Variants in FMNL2 observed in about 807,000 individuals in gnomAD.
The protein encoded by FMNL2 is formin-like protein 2.
A neutral mutation model predicts 130.2 loss-of-function variants in FMNL2; 51 were observed. That is an observed-to-expected ratio of 0.39 (90% CI 0.31 to 0.49). The LOEUF is 0.49. Ranked by LOEUF, FMNL2 falls within the 20% of genes least tolerant of loss-of-function variation. FMNL2 has a pLI of 0.85. For missense variants in FMNL2, 977 were observed against 1,316.2 expected (o/e 0.74, Z 3.99); for synonymous variants, 465 against 467.1 (o/e 1.00, Z 0.06).
chr2:152,593,980 C>T (rs2105789194), intron 9 of FMNL2, among the ~76,000 whole-genome samples: 1 of 151,574 alleles, frequency 6.6e-6, no homozygotes, highest in Admixed American at 6.6e-5. Flanking sequence ...GGAAAACTCC[C>T]CCACAGGGAC....
Position 152,647,851 on chromosome 2 carries a change from G to C in FMNL2, c.3225G>C (p.Arg1075=), listed in dbSNP as rs373111962. 7.7e-5 allele frequency: 124 copies of C among 1,613,914 alleles called. No individual in the cohort carries two copies. The African/African-American group carries it at 1.5e-3, about 19-fold the overall frequency. The change falls in exon 26 of 26, where the codon CGG becomes CGC. Residue 1075 remains arginine (R), a synonymous_variant. Transcript: ENST00000288670. ...RADAVRRSVR[R]RFDDQNLRSV... ...ATGCGGTGAGGAGAAGCGTCAGGCG[G>C]CGCTTTGATGATCAGAACTTGCGTT...
chr2:152,389,380 G>A (rs1361347763), intron 1 of FMNL2, among the ~76,000 whole-genome samples: 2 of 152,028 alleles, frequency 1.3e-5, no homozygotes, highest in African/African-American at 2.4e-5. Flanking sequence ...GGCACTAATC[G>A]CATTTACGAG....
intron 1 of FMNL2, among the ~76,000 whole-genome samples, chr2:152,502,482 T>C (rs964709711): frequency 2.6e-5 from 4 of 151,878 alleles, no homozygotes; most frequent in Non-Finnish European, 5.9e-5. Context: ...AGGTCAGGAG[T>C]CTGAGACCAG....
chr2:152,513,298 A>G (rs993955523), intron 1 of FMNL2, among the ~76,000 whole-genome samples: 2 of 152,086 alleles, frequency 1.3e-5, no homozygotes, highest in Non-Finnish European at 1.5e-5. Flanking sequence ...CTCCTTTTTT[A>G]GTGTGTGTGG....
At chr2:152,596,536 G>A (rs1029917460) in intron 9 of FMNL2, among the ~76,000 whole-genome samples, 3 of 152,156 alleles carry the variant, frequency 2.0e-5, no homozygotes, top group African/African-American at 7.2e-5. Flanking sequence ...GGCCCCTGGA[G>A]CCCTTTTTAT....
In FMNL2 at chr2:152,648,857, A is replaced by C. The variant is rs927204969; in HGVS notation, c.*952A>C. On this transcript the variant is annotated 3_prime_UTR_variant, in exon 26 of 26. Transcript: ENST00000288670. The stretch of plus-strand genomic sequence containing the variant: ...CACTTGGCATCGTGTATCGAGGCTA[A>C]GTTTTTCATGCATTTCCCAGACTAC... The C allele has an allele frequency of 9.8e-5, 15 of 152,584 alleles. No individual in the cohort carries two copies. Among genetic ancestry groups the C allele is most frequent in the African/African-American group, 3.6e-4 (15 of 41,428 alleles). 9.5% of individuals were successfully genotyped at this position (152,584 alleles called of 1,614,324 possible).
chr2:152,574,490 T>C (rs748803509), intron 6 of FMNL2, among the ~76,000 whole-genome samples: 5 of 151,526 alleles, frequency 3.3e-5, no homozygotes, highest in Non-Finnish European at 5.9e-5. Flanking sequence ...GTCTACTTGC[T>C]GGAATAATGA....
intron 1 of FMNL2, among the ~76,000 whole-genome samples, chr2:152,465,113 C>A (rs561787645): frequency 1.3e-5 from 2 of 152,334 alleles, no homozygotes; most frequent in South Asian, 4.1e-4. Context: ...CATAGCCCTG[C>A]GCAAGTAGTG....
At chr2:152,338,441 G>A (rs1045254605) in intron 1 of FMNL2, among the ~76,000 whole-genome samples, 1 of 152,110 alleles carries the variant, frequency 6.6e-6, no homozygotes, top group African/African-American at 2.4e-5. Flanking sequence ...TTTATTTCTT[G>A]TTAGGAAAGC....
chr2:152,610,856 A>G (rs1698637593), intron 10 of FMNL2, among the ~76,000 whole-genome samples: 1 of 152,188 alleles, frequency 6.6e-6, no homozygotes, highest in Admixed American at 6.5e-5. Context: ...ATTTTGAGTA[A>G]AAGTCACACT....
At chr2:152,591,657 T>C (rs905774428) in intron 9 of FMNL2, among the ~76,000 whole-genome samples, 4 of 152,072 alleles carry the variant, frequency 2.6e-5, no homozygotes, top group Admixed American at 2.6e-4. Context: ...AATACAAAAA[T>C]TAGCCAGGCA....
At chr2:152,381,639 A>C (rs1394441668) in intron 1 of FMNL2, among the ~76,000 whole-genome samples, 1 of 152,188 alleles carries the variant, frequency 6.6e-6, no homozygotes, top group Non-Finnish European at 1.5e-5. Flanking sequence ...TTAAAAATGC[A>C]TCTCACAGGG....
intron 1 of FMNL2, among the ~76,000 whole-genome samples, chr2:152,449,832 A>G (rs990197715): frequency 2.5e-4 from 38 of 152,376 alleles, no homozygotes; most frequent in South Asian, 2.3e-3. Flanking sequence ...TAATGTGGCT[A>G]CATGTTTGAC....
intron 1 of FMNL2, among the ~76,000 whole-genome samples, chr2:152,475,976 T>C (rs1034205706): frequency 6.6e-6 from 1 of 152,232 alleles, no homozygotes; most frequent in Non-Finnish European, 1.5e-5. Flanking sequence ...TGCTCCATCA[T>C]AGATTTAGCA....
At chr2:152,443,801 T>A (rs913254441) in intron 1 of FMNL2, among the ~76,000 whole-genome samples, 4 of 151,666 alleles carry the variant, frequency 2.6e-5, no homozygotes, top group African/African-American at 9.7e-5. Context: ...CAAGATCACA[T>A]CATTGCACTC....
chr2:152,540,325 G>A (rs907709495), intron 2 of FMNL2, among the ~76,000 whole-genome samples: 2 of 151,868 alleles, frequency 1.3e-5, no homozygotes, highest in South Asian at 4.2e-4. Context: ...GTGAGGTGAT[G>A]GTGATTTAAA....
chr2:152,646,167 A>AAC (rs1553495122), intron 25 of FMNL2, among the ~76,000 whole-genome samples: 1,823 of 150,236 alleles, frequency 0.012, 24 homozygotes, highest in South Asian at 0.039. Context: ...CAAAAAAAAA[A>AAC]AAACAAACAA....
At chr2:152,589,940 CATATATATATATATATATATATATATAT>C (rs771625998) in intron 9 of FMNL2, among the ~76,000 whole-genome samples, 5 of 67,034 alleles carry the variant, frequency 7.5e-5, no homozygotes, top group South Asian at 5.2e-4. Flanking sequence ...TGGCTTTATA[CATATATATATATATATATATATATATAT>C]ATATATATAT....
chr2:152,361,910 A>T (rs1230656768), intron 1 of FMNL2, among the ~76,000 whole-genome samples: 1 of 152,224 alleles, frequency 6.6e-6, no homozygotes, highest in Non-Finnish European at 1.5e-5. Flanking sequence ...AGAATATGAC[A>T]AGTTACACTC....
Sources: gnomAD v4.1 joint callset for allele counts (sites outside exome capture counted in the v4.1 genomes callset) on GRCh38, gnomAD v4.1.1 for gene constraint, MANE v1.5 for transcripts, NCBI Gene and HGNC (gene_info 2026-07-23, HGNC 2026-07-21) for gene names.